The following ARHGAP15 variants were observed in gnomAD, a reference collection of about 807,000 sequenced individuals.
ARHGAP15 encodes rho GTPase-activating protein 15.
ARHGAP15 carries 51 observed loss-of-function variants against 63.7 expected under a neutral mutation model. That is an observed-to-expected ratio of 0.80 (90% CI 0.64 to 1.01). The LOEUF (loss-of-function observed/expected upper bound fraction) is 1.01. Ranked by LOEUF, ARHGAP15 falls within the 50% of genes least tolerant of loss-of-function variation. The pLI is 0.00. For synonymous variants in ARHGAP15, 191 were observed against 193.8 expected (o/e 0.99, Z 0.12); for missense variants, 560 against 564.6 (o/e 0.99, Z 0.08).
intron 6 of ARHGAP15, among the ~76,000 whole-genome samples, chr2:143,398,318 C>T (rs1234319468): frequency 6.6e-6 from 1 of 152,128 alleles, no homozygotes; most frequent in Non-Finnish European, 1.5e-5. Flanking sequence ...TTAAACTCAG[C>T]AGCCCAGCTG....
chr2:143,383,782 T>C (rs528322179), intron 6 of ARHGAP15, among the ~76,000 whole-genome samples: 1 of 152,324 alleles, frequency 6.6e-6, no homozygotes, highest in Admixed American at 6.5e-5. Context: ...CCTAGTCTTA[T>C]ATATGGTAGC....
At chr2:143,521,320 C>A (rs779921486) in intron 10 of ARHGAP15, among the ~76,000 whole-genome samples, 8 of 152,132 alleles carry the variant, frequency 5.3e-5, no homozygotes, top group Non-Finnish European at 1.0e-4. Context: ...CACATCATTG[C>A]AAGATTTACA....
At chr2:143,605,662 C>T (rs1413570812) in intron 11 of ARHGAP15, among the ~76,000 whole-genome samples, 1 of 151,724 alleles carries the variant, frequency 6.6e-6, no homozygotes, top group Non-Finnish European at 1.5e-5. Flanking sequence ...AAATTTTTGA[C>T]TTCCAATGTA....
rs556025375 is a variant in ARHGAP15 at position 143,380,767 on chromosome 2, T to A, written c.475-54834T>A. Among the ~76,000 whole-genome samples, 6 of 152,232 alleles carry A rather than the reference T, an allele frequency of 3.9e-5. No individual in the cohort carries two copies. The East Asian group carries it at 1.2e-3, about 29-fold the overall frequency. On this transcript the variant is annotated intron_variant, in intron 6 of 13. Coordinates refer to ENST00000295095, the MANE Select transcript of ARHGAP15 (RefSeq NM_018460.4). Reference sequence around the variant, plus strand: ...AGGACTCCAAGTACAGACAGACACATATGTGTGGGCTCATGATACTGGGAT... The same window carrying A: ...AGGACTCCAAGTACAGACAGACACAAATGTGTGGGCTCATGATACTGGGAT...
At chr2:143,574,369 A>T (rs891525092) in intron 11 of ARHGAP15, among the ~76,000 whole-genome samples, 3 of 152,104 alleles carry the variant, frequency 2.0e-5, no homozygotes, top group Non-Finnish European at 4.4e-5. Context: ...TCATTTGCTC[A>T]TTTCAAATGG....
chr2:143,655,617 C>T (rs1238327014), intron 12 of ARHGAP15, among the ~76,000 whole-genome samples: 1 of 152,124 alleles, frequency 6.6e-6, no homozygotes, highest in Non-Finnish European at 1.5e-5. Flanking sequence ...AGGATTTTAG[C>T]TTTTGTATAT....
At chr2:143,415,383 G>GA (rs1175937913) in intron 6 of ARHGAP15, among the ~76,000 whole-genome samples, 1 of 151,794 alleles carries the variant, frequency 6.6e-6, no homozygotes, top group Non-Finnish European at 1.5e-5. Context: ...ATTGGCAGAT[G>GA]AAAAAAATAT....
intron 8 of ARHGAP15, among the ~76,000 whole-genome samples, chr2:143,458,000 T>C (rs961870631): frequency 6.6e-6 from 1 of 151,876 alleles, no homozygotes; most frequent in African/African-American, 2.4e-5. Flanking sequence ...ATCAATCACA[T>C]GTAAAACAAA....
chr2:143,416,832 CCCACG>C (rs1273944304), intron 6 of ARHGAP15, among the ~76,000 whole-genome samples: 33 of 52,084 alleles, frequency 6.3e-4, no homozygotes, highest in Admixed American at 1.6e-3. Flanking sequence ...CCCCCCCACC[CCCACG>C]CCCCCACGCC....
chr2:143,501,903 A>G (rs1693080381), intron 9 of ARHGAP15, among the ~76,000 whole-genome samples: 1 of 152,190 alleles, frequency 6.6e-6, no homozygotes, highest in East Asian at 1.9e-4. Context: ...AGGTTTCTCT[A>G]CTACAGCATG....
chr2:143,537,459 T>G (rs932829585), intron 10 of ARHGAP15, among the ~76,000 whole-genome samples: 4 of 152,238 alleles, frequency 2.6e-5, no homozygotes, highest in Admixed American at 6.5e-5. Context: ...TGCCCATGCT[T>G]ATGTCTTGAA....
intron 1 of ARHGAP15, among the ~76,000 whole-genome samples, chr2:143,138,936 G>A (rs1689251749): frequency 1.3e-5 from 2 of 151,892 alleles, no homozygotes; most frequent in South Asian, 2.1e-4. Context: ...TTCCAATGTG[G>A]CTACAGGAAA....
At chr2:143,383,442 G>T (rs1687140644) in intron 6 of ARHGAP15, among the ~76,000 whole-genome samples, 1 of 152,038 alleles carries the variant, frequency 6.6e-6, no homozygotes, top group Non-Finnish European at 1.5e-5. Flanking sequence ...AATGTCAAAA[G>T]AATTATATTT....
At chr2:143,542,768 T>A (rs1204568114) in intron 10 of ARHGAP15, among the ~76,000 whole-genome samples, 5 of 96,012 alleles carry the variant, frequency 5.2e-5, no homozygotes, top group Admixed American at 2.2e-4. Flanking sequence ...ATCACATATA[T>A]AATATATATA....
At chr2:143,648,019 C>G (rs138361625) in intron 12 of ARHGAP15, among the ~76,000 whole-genome samples, 2 of 152,130 alleles carry the variant, frequency 1.3e-5, no homozygotes, top group African/African-American at 2.4e-5. Context: ...TTAGTCCACT[C>G]AGAGGATTGA....
At chr2:143,261,733 C>A (rs181416661) in intron 6 of ARHGAP15, among the ~76,000 whole-genome samples, 2 of 152,120 alleles carry the variant, frequency 1.3e-5, no homozygotes, top group Non-Finnish European at 2.9e-5. Flanking sequence ...AGGCTAGGTT[C>A]CCCTGAAAGA....
At chr2:143,587,133 A>G (rs1697138369) in intron 11 of ARHGAP15, among the ~76,000 whole-genome samples, 1 of 152,038 alleles carries the variant, frequency 6.6e-6, no homozygotes, top group Non-Finnish European at 1.5e-5. Flanking sequence ...TTCCTTACTC[A>G]TAGGATACAG....
At chr2:143,212,133 T>G (rs1692585000) in intron 3 of ARHGAP15, among the ~76,000 whole-genome samples, 1 of 146,844 alleles carries the variant, frequency 6.8e-6, no homozygotes, top group Admixed American at 6.8e-5. Context: ...ACATGAAGCC[T>G]TCTCATAAAA....
At chr2:143,387,000 T>G (rs894965178) in intron 6 of ARHGAP15, among the ~76,000 whole-genome samples, 1 of 151,992 alleles carries the variant, frequency 6.6e-6, no homozygotes, top group Non-Finnish European at 1.5e-5. Flanking sequence ...TGAGGCCTAC[T>G]TGAGGGTGGA....
Sources: allele counts gnomAD v4.1 joint callset (sites outside exome capture counted in the v4.1 genomes callset), GRCh38; gene constraint gnomAD v4.1.1; transcripts MANE v1.5; gene names NCBI Gene and HGNC (gene_info 2026-07-23, HGNC 2026-07-21).